SLC35F4: variants seen among roughly 807,000 people sequenced by gnomAD.
The protein encoded by SLC35F4 is chromosome 14 open reading frame 36.
A neutral mutation model predicts 44.2 loss-of-function variants in SLC35F4; 24 were observed. That is an observed-to-expected ratio of 0.54 (90% CI 0.39 to 0.76). The LOEUF (loss-of-function observed/expected upper bound fraction) is 0.76, where lower values mean the gene tolerates loss of function less well. Ranked by LOEUF, SLC35F4 falls within the 30% of genes least tolerant of loss-of-function variation. The pLI is 0.00. For synonymous variants in SLC35F4, 238 were observed against 223.6 expected (o/e 1.06, Z -0.57); for missense variants, 562 against 586.1 (o/e 0.96, Z 0.42).
intron 1 of SLC35F4, among the ~76,000 whole-genome samples, chr14:57,659,736 C>A (rs892680552): frequency 2.6e-5 from 4 of 152,176 alleles, no homozygotes; most frequent in African/African-American, 9.7e-5. Context: ...CTTTCACCAT[C>A]ATTATTTACA....
intron 1 of SLC35F4, among the ~76,000 whole-genome samples, chr14:57,914,020 G>A (rs573689090): frequency 1.9e-4 from 29 of 152,162 alleles, no homozygotes; most frequent in Non-Finnish European, 3.8e-4. Flanking sequence ...TGCAAGTATG[G>A]CTCCTAAAGA....
chr14:57,864,823 C>T lies in SLC35F4; in HGVS notation c.103+900G>A, dbSNP rs554134857. Among the ~76,000 whole-genome samples, 122 of 152,298 alleles carry T rather than the reference C, an allele frequency of 8.0e-4. No individual in the cohort carries two copies. In the South Asian group the frequency reaches 0.024, roughly 30 times the overall value. ...CTAAACCGCAGCTACTCCTCCAATT[C>T]GAAGAAAAATGAGCTGCACTTCAGT... On this transcript the variant is annotated intron_variant, in intron 1 of 7. Coordinates refer to ENST00000556826, the MANE Select transcript of SLC35F4 (RefSeq NM_001306087.2).
At chr14:57,778,165 C>T (rs903094961) in intron 1 of SLC35F4, among the ~76,000 whole-genome samples, 2 of 152,190 alleles carry the variant, frequency 1.3e-5, no homozygotes, top group African/African-American at 4.8e-5. Context: ...TGCCTGCTGT[C>T]ATCCATGTAA....
intron 1 of SLC35F4, among the ~76,000 whole-genome samples, chr14:57,695,654 A>G (rs938210169): frequency 3.3e-5 from 5 of 152,150 alleles, no homozygotes; most frequent in African/African-American, 1.2e-4. Context: ...CATTTGACCC[A>G]GCCATCCCAT....
At chr14:57,644,574 C>G (rs1431485573) in intron 1 of SLC35F4, among the ~76,000 whole-genome samples, 2 of 151,980 alleles carry the variant, frequency 1.3e-5, no homozygotes, top group East Asian at 3.9e-4. Context: ...TGCCTGTTCA[C>G]TCTGATGGTG....
intron 1 of SLC35F4, among the ~76,000 whole-genome samples, chr14:57,661,550 A>G (rs1483085134): frequency 6.6e-6 from 1 of 152,230 alleles, no homozygotes; most frequent in Non-Finnish European, 1.5e-5. Context: ...TAGCAGTAAT[A>G]AATCAGTAAG....
intron 2 of SLC35F4, 52 bp downstream of exon 2, chr14:57,593,887 T>C (rs754844059): frequency 2.2e-5 from 35 of 1,581,056 alleles, no homozygotes; most frequent in Non-Finnish European, 2.8e-5. Flanking sequence ...GATCTTTCTA[T>C]TTAGAAGCTT....
At chr14:57,625,025 G>A (rs767042301) in intron 1 of SLC35F4, among the ~76,000 whole-genome samples, 1 of 152,210 alleles carries the variant, frequency 6.6e-6, no homozygotes, top group Non-Finnish European at 1.5e-5. Context: ...GTCTCTGTTT[G>A]CAGATGACGC....
chr14:57,786,599 C>G (rs1375950744), intron 1 of SLC35F4, among the ~76,000 whole-genome samples: 1 of 152,196 alleles, frequency 6.6e-6, no homozygotes, highest in Non-Finnish European at 1.5e-5. Flanking sequence ...GGACTCTATG[C>G]AGACAATGCC....
At chr14:57,831,061 A>C (rs149334822) in intron 1 of SLC35F4, among the ~76,000 whole-genome samples, 178 of 152,168 alleles carry the variant, frequency 1.2e-3, no homozygotes, top group African/African-American at 4.0e-3. Context: ...CTTCTCTCTC[A>C]ACTCTGATTT....
chr14:57,585,633 C>T (rs1383581422), intron 3 of SLC35F4, among the ~76,000 whole-genome samples: 1 of 152,198 alleles, frequency 6.6e-6, no homozygotes, highest in African/African-American at 2.4e-5. Flanking sequence ...TGATAAGGAA[C>T]TTCAGCAAAA....
Position 57,828,207 on chromosome 14 carries a change from C to T in SLC35F4, c.103+37516G>A, listed in dbSNP as rs557039273. Among the ~76,000 whole-genome samples the T allele has an allele frequency of 4.6e-5, 7 of 152,138 alleles. No homozygotes were observed. The South Asian group carries it at 1.5e-3, about 32-fold the overall frequency. On this transcript the variant is annotated intron_variant, in intron 1 of 7. Coordinates refer to ENST00000556826, the MANE Select transcript of SLC35F4 (RefSeq NM_001306087.2). ...GGAGAGCTTTATTTAAACAAAAAAA[C>T]CACACCCATGCCCCAGATCCAATGC...
At chr14:57,663,446 C>T (rs1209179465) in intron 1 of SLC35F4, among the ~76,000 whole-genome samples, 2 of 152,144 alleles carry the variant, frequency 1.3e-5, no homozygotes, top group African/African-American at 4.8e-5. Context: ...AATTATCCTA[C>T]TGCCAAAGCC....
intron 1 of SLC35F4, among the ~76,000 whole-genome samples, chr14:57,654,262 C>G (rs1175616273): frequency 2.0e-5 from 3 of 152,052 alleles, no homozygotes; most frequent in African/African-American, 7.2e-5. Context: ...ACACTGTATC[C>G]AATACATAAT....
chr14:57,929,272 T>C (rs953565919), intron 1 of SLC35F4, among the ~76,000 whole-genome samples: 3 of 152,142 alleles, frequency 2.0e-5, no homozygotes, highest in Admixed American at 6.5e-5. Flanking sequence ...AAATGAAAGA[T>C]GAGTAAACTA....
intron 1 of SLC35F4, among the ~76,000 whole-genome samples, chr14:57,723,035 G>A (rs1050624260): frequency 1.3e-5 from 2 of 152,148 alleles, no homozygotes; most frequent in African/African-American, 4.8e-5. Context: ...GGGGAAAAGG[G>A]AAATGCAGAT....
chr14:57,656,414 CAT>C (rs1195765020), intron 1 of SLC35F4, among the ~76,000 whole-genome samples: 9 of 145,024 alleles, frequency 6.2e-5, no homozygotes, highest in South Asian at 2.2e-4. Flanking sequence ...CACAGATACA[CAT>C]GATATATATA....
chr14:57,937,808 G>C (rs1392516270), intron 1 of SLC35F4, among the ~76,000 whole-genome samples: 2 of 152,104 alleles, frequency 1.3e-5, no homozygotes, highest in Non-Finnish European at 2.9e-5. Flanking sequence ...GTGAGTCAAG[G>C]ACCAGATTGA....
rs2072922810 is a variant in SLC35F4, at chr14:57,634,282, G to C, written c.104-40158C>G. Among the ~76,000 whole-genome samples, 8 of 152,264 alleles carry C rather than the reference G, an allele frequency of 5.3e-5. No individual in the cohort carries two copies. In the South Asian group the frequency reaches 1.7e-3, roughly 32 times the overall value. On this transcript the variant is annotated intron_variant, in intron 1 of 7. Coordinates refer to ENST00000556826, the MANE Select transcript of SLC35F4 (RefSeq NM_001306087.2). ...GTGCGGTTGAAGGCAAGGGAATGGT[G>C]CTATGAAGATGTATAACAGAAGGAT...
Sources: allele counts gnomAD v4.1 joint callset (sites outside exome capture counted in the v4.1 genomes callset), GRCh38; gene constraint gnomAD v4.1.1; transcripts MANE v1.5; gene names NCBI Gene and HGNC (gene_info 2026-07-23, HGNC 2026-07-21).